Variants in PRICKLE1 observed in about 807,000 individuals in gnomAD.
PRICKLE1 encodes the protein prickle-like protein 1.
In PRICKLE1, 14 loss-of-function variants were observed where a neutral mutation model predicts 70.2. The observed-to-expected ratio is 0.20, with a 90% CI of 0.13 to 0.31. The LOEUF is 0.31. PRICKLE1 is among the 10% of genes least tolerant of loss of function. The probability of loss-of-function intolerance (pLI) is 1.00; values close to 1 mark genes in which losing one functional copy is unlikely to be tolerated. For synonymous variants in PRICKLE1, 357 were observed against 379.9 expected, an observed-to-expected ratio of 0.94 and a Z score of 0.70; for missense variants, 821 against 1,026.2, an observed-to-expected ratio of 0.80 and a Z score of 2.73.
In PRICKLE1 at chr12:42,465,030, C is replaced by T. The variant is rs757911190; in HGVS notation, c.1004G>A (p.Arg335Gln). 24 of 1,595,720 alleles carry T rather than the reference C, an allele frequency of 1.5e-5. No homozygotes were observed. The highest frequency in any genetic ancestry group is 2.2e-5 in the East Asian group (1 of 44,728). ...TGCTGACCGGCTGCTCTTGCCCATT[C>T]GGACACTTCTTCGGGAGTCTCTTGA... ...ARSRDSRRSV[R>Q]MGKSSRSADQ... is the part of the protein sequence containing the mutation. Residue 335 changes from arginine to glutamine, a missense_variant, in exon 7 of 8, where the codon CGA becomes CAA. Transcript: ENST00000345127.
intron 1 of PRICKLE1, among the ~76,000 whole-genome samples, chr12:42,492,282 A>G (rs1287433517): frequency 6.6e-6 from 1 of 152,122 alleles, no homozygotes; most frequent in Non-Finnish European, 1.5e-5. Context: ...TTAAAATTAT[A>G]GAATATTTGC....
intron 1 of PRICKLE1, among the ~76,000 whole-genome samples, chr12:42,508,243 A>C (rs17091323): frequency 0.035 from 5,390 of 152,262 alleles, 285 homozygotes; most frequent in African/African-American, 0.11. Flanking sequence ...CTCCACGCTC[A>C]TACTGCTTCA....
Sources: allele counts gnomAD v4.1 joint callset (sites outside exome capture counted in the v4.1 genomes callset), GRCh38; gene constraint gnomAD v4.1.1; transcripts MANE v1.5; gene names NCBI Gene and HGNC (gene_info 2026-07-23, HGNC 2026-07-21).